SCHIP1: variants seen among roughly 807,000 people sequenced by gnomAD.
SCHIP1 encodes schwannomin-interacting protein 1.
In SCHIP1, 8 loss-of-function variants were observed where a neutral mutation model predicts 29.7. That is an observed-to-expected ratio of 0.27 (90% CI 0.16 to 0.49). SCHIP1 has a LOEUF of 0.49. Ranked by LOEUF, SCHIP1 falls within the 20% of genes least tolerant of loss-of-function variation. SCHIP1 has a pLI of 0.99. For synonymous variants in SCHIP1, 76 were observed against 94.9 expected, an observed-to-expected ratio of 0.80 and a Z score of 1.16; for missense variants, 193 against 294.6, an observed-to-expected ratio of 0.66 and a Z score of 2.52.
the SCHIP1 span, among the ~76,000 whole-genome samples, chr3:159,710,774 A>T: frequency 2.3e-3 from 357 of 152,212 alleles, 1 homozygote; most frequent in African/African-American, 7.6e-3. Context: ...GCACAATGGA[A>T]TTTTTTTTAA....
At chr3:159,607,529 A>G in the SCHIP1 span, among the ~76,000 whole-genome samples, 1 of 152,176 alleles carries the variant, frequency 6.6e-6, no homozygotes, top group Admixed American at 6.5e-5. Context: ...TCTTTCTCTA[A>G]GAACATTAAT....
the SCHIP1 span, among the ~76,000 whole-genome samples, chr3:159,446,573 G>A: frequency 1.3e-5 from 2 of 151,794 alleles, no homozygotes; most frequent in Non-Finnish European, 2.9e-5. Flanking sequence ...TTGCATTACA[G>A]CAATACAATA....
the SCHIP1 span, among the ~76,000 whole-genome samples, chr3:159,453,973 G>T: frequency 1.3e-5 from 2 of 152,266 alleles, 1 homozygote; most frequent in Middle Eastern, 6.8e-3. Flanking sequence ...CCACCATCCT[G>T]TGTCTAAGCC....
At chr3:159,707,912 C>T in the SCHIP1 span, among the ~76,000 whole-genome samples, 1 of 152,212 alleles carries the variant, frequency 6.6e-6, no homozygotes, top group African/African-American at 2.4e-5. Flanking sequence ...TCCCTTTTCT[C>T]ATCTGAAGCA....
chr3:159,303,149 G>C, the SCHIP1 span, among the ~76,000 whole-genome samples: 1 of 152,106 alleles, frequency 6.6e-6, no homozygotes, highest in Non-Finnish European at 1.5e-5. Flanking sequence ...AGATATCTAA[G>C]AGCAGAGACA....
upstream of SCHIP1, among the ~76,000 whole-genome samples, chr3:159,839,380 A>C (rs926013028): frequency 6.6e-6 from 1 of 152,088 alleles, no homozygotes; most frequent in Non-Finnish European, 1.5e-5. Context: ...TCCCTAAAAA[A>C]ACTTATAACA....
At chr3:159,325,746 T>C in the SCHIP1 span, among the ~76,000 whole-genome samples, 1 of 152,096 alleles carries the variant, frequency 6.6e-6, no homozygotes, top group Non-Finnish European at 1.5e-5. Context: ...GTTGAATTGC[T>C]CTCCTACTCA....
the SCHIP1 span, among the ~76,000 whole-genome samples, chr3:159,769,959 C>T: frequency 3.1e-4 from 47 of 152,140 alleles, no homozygotes; most frequent in African/African-American, 1.1e-3. Context: ...CTTTGTAATA[C>T]CACCATCTTG....
At chr3:159,325,130 C>T in the SCHIP1 span, among the ~76,000 whole-genome samples, 1 of 152,098 alleles carries the variant, frequency 6.6e-6, no homozygotes. Context: ...TCTGCCACAA[C>T]ACTAGATTTT....
At chr3:159,327,057 G>T in the SCHIP1 span, among the ~76,000 whole-genome samples, 1 of 152,260 alleles carries the variant, frequency 6.6e-6, no homozygotes, top group African/African-American at 2.4e-5. Flanking sequence ...AATCATGAAG[G>T]TTTTTATACG....
chr3:159,408,884 C>T, the SCHIP1 span, among the ~76,000 whole-genome samples: 1 of 152,024 alleles, frequency 6.6e-6, no homozygotes, highest in African/African-American at 2.4e-5. Context: ...TGGAAAAATC[C>T]TCAACACAAT....
At chr3:159,606,394 T>C in the SCHIP1 span, among the ~76,000 whole-genome samples, 1 of 152,220 alleles carries the variant, frequency 6.6e-6, no homozygotes, top group African/African-American at 2.4e-5. Context: ...CATTTCATAC[T>C]GGACCAGTGA....
the SCHIP1 span, among the ~76,000 whole-genome samples, chr3:159,638,001 AAC>A: frequency 1.3e-5 from 2 of 152,224 alleles, no homozygotes; most frequent in African/African-American, 4.8e-5. Context: ...GTCTCTCCAT[AAC>A]AGTTTTCCCT....
the SCHIP1 span, among the ~76,000 whole-genome samples, chr3:159,486,585 A>T: frequency 6.6e-6 from 1 of 152,250 alleles, no homozygotes; most frequent in East Asian, 1.9e-4. Flanking sequence ...CAGAATCACC[A>T]TGTCTTCTGA....
the SCHIP1 span, chr3:159,768,645 T>C: frequency 1.3e-5 from 2 of 152,476 alleles, no homozygotes; most frequent in South Asian, 2.1e-4. Flanking sequence ...GCTTGGATGC[T>C]GTCAGGAACT....
the SCHIP1 span, among the ~76,000 whole-genome samples, chr3:159,585,926 T>C: frequency 3.3e-5 from 5 of 152,138 alleles, no homozygotes; most frequent in African/African-American, 1.2e-4. Flanking sequence ...TCATCATCCC[T>C]ACCTACCTAG....
the SCHIP1 span, among the ~76,000 whole-genome samples, chr3:159,528,678 C>T: frequency 1.5e-3 from 222 of 152,310 alleles, 6 homozygotes; most frequent in East Asian, 0.042. Flanking sequence ...CCTCAGAATG[C>T]CCCATACCCT....
chr3:159,346,733 A>G, the SCHIP1 span, among the ~76,000 whole-genome samples: 1 of 152,126 alleles, frequency 6.6e-6, no homozygotes, highest in African/African-American at 2.4e-5. Flanking sequence ...GGGTGTGGTC[A>G]GTGGCATTTG....
At chr3:159,818,218 T>C in the SCHIP1 span, among the ~76,000 whole-genome samples, 1 of 152,216 alleles carries the variant, frequency 6.6e-6, no homozygotes, top group Admixed American at 6.5e-5. Flanking sequence ...TAGCACCTTC[T>C]ATGCTCTTAT....
Sources: allele counts gnomAD v4.1 joint callset (sites outside exome capture counted in the v4.1 genomes callset), GRCh38; gene constraint gnomAD v4.1.1; transcripts MANE v1.5; gene names NCBI Gene and HGNC (gene_info 2026-07-23, HGNC 2026-07-21).